The following UHRF2 variants were observed in gnomAD, a reference collection of about 807,000 sequenced individuals.
UHRF2 encodes the protein ubiquitin like with PHD and ring finger domains 2, also known as E3 ubiquitin-protein ligase UHRF2.
Under a neutral mutation model 96.8 loss-of-function variants are expected in UHRF2, and 23 were observed. The ratio of observed to expected loss-of-function variants is 0.24; its 90% CI spans 0.17 to 0.34. The LOEUF is 0.34. Ranked by LOEUF, UHRF2 falls within the 10% of genes least tolerant of loss-of-function variation. The pLI is 1.00. For synonymous variants in UHRF2, 385 were observed against 332.6 expected (o/e 1.16, Z -1.72); for missense variants, 685 against 981.5 (o/e 0.70, Z 4.04).
Position 6,506,860 on chromosome 9 carries a change from A to G in UHRF2, c.*681A>G, listed in dbSNP as rs1345683288. ...AGAGGTATTCATATGCTCTAGTTGT[A>G]AATGTTCATGAAAATCCACTTCTCT... On this transcript the variant is annotated 3_prime_UTR_variant, in exon 16 of 16. Transcript: ENST00000276893. 3 of 152,634 alleles carry G rather than the reference A, an allele frequency of 2.0e-5. No homozygotes were observed. The highest frequency in any genetic ancestry group is 4.4e-5 in the Non-Finnish European group (3 of 68,032). The allele number at this position is 152,634 out of a possible 1,614,324, so 9.5% of individuals were successfully genotyped here.
At position 6,499,825 on chromosome 9, in the gene UHRF2, C is replaced by G. The variant is rs771326770; in HGVS notation, c.1909-10C>G. The G allele has an allele frequency of 6.3e-7, 1 of 1,592,946 alleles. No homozygotes were observed. Among genetic ancestry groups the G allele is most frequent in the Non-Finnish European group, 8.6e-7 (1 of 1,165,590 alleles). On this transcript the variant is annotated splice_polypyrimidine_tract_variant and intron_variant, in intron 12 of 15. Transcript: ENST00000276893. Reference sequence around the variant, plus strand: ...TCTGCATTGTACTCTCCCTCCTCCCCCCCCATCAGTATCCAGCAGGTTACC... The same window carrying G: ...TCTGCATTGTACTCTCCCTCCTCCCGCCCCATCAGTATCCAGCAGGTTACC...
rs1192137910 is a variant in UHRF2 at position 6,418,148 on chromosome 9, T to C, written c.154-2764T>C. 3.3e-5 allele frequency among the ~76,000 whole-genome samples: 5 copies of C among 152,298 alleles called. No homozygotes were observed. In the South Asian group the frequency reaches 1.0e-3, roughly 32 times the overall value. On this transcript the variant is annotated intron_variant, in intron 1 of 15. Transcript: ENST00000276893. ...TAGTAAGGTATTTTGTTTTGGGTTT[T>C]TTTGTGGGGGTGTTGGAGAATGTCA...
At chr9:6,438,665 G>A (rs748660998) in intron 3 of UHRF2, among the ~76,000 whole-genome samples, 1 of 152,154 alleles carries the variant, frequency 6.6e-6, no homozygotes, top group Non-Finnish European at 1.5e-5. Context: ...CCTGCCTCTG[G>A]AATTATTCTG....
chr9:6,480,256 C>T (rs189019358), intron 6 of UHRF2, among the ~76,000 whole-genome samples: 35 of 152,310 alleles, frequency 2.3e-4, no homozygotes, highest in African/African-American at 8.2e-4. Flanking sequence ...CACTTCTAGT[C>T]ACTCTTGTCA....
intron 4 of UHRF2, among the ~76,000 whole-genome samples, chr9:6,467,595 G>GTTTTTTTTTTTTTTTTTTTT (rs34366483): frequency 1.0e-5 from 1 of 99,170 alleles, no homozygotes; most frequent in African/African-American, 4.2e-5. Context: ...CGAGAGAATA[G>GTTTTTTTTTTTTTTTTTTTT]TTTTTTTTTT....
At chr9:6,453,406 CT>C (rs1821986942) in intron 3 of UHRF2, among the ~76,000 whole-genome samples, 1 of 152,104 alleles carries the variant, frequency 6.6e-6, no homozygotes, top group African/African-American at 2.4e-5. Flanking sequence ...GTAATTTTCA[CT>C]TTACAGCTGA....
In UHRF2 at chr9:6,433,986, A is replaced by G. The variant is rs1488099524; in HGVS notation, c.457A>G (p.Arg153Gly). The G allele has an allele frequency of 2.5e-6, 4 of 1,613,924 alleles. No homozygotes were observed. The highest frequency in any genetic ancestry group is 2.2e-5 in the South Asian group (2 of 91,086). Residue 153 changes from arginine (R) to glycine (G), a missense_variant, in exon 3 of 16, where the codon AGA becomes GGA. Arg to Gly is a moderately radical substitution (Grantham distance 125). Transcript: ENST00000276893. ...WFEAHIHSVT[R>G]ASDGQSRGKT... ...TGAAGCACACATACATAGTGTTACT[A>G]GAGCTTCTGATGGACAGTCACGTGG...
intron 12 of UHRF2, chr9:6,498,424 C>A: frequency 3.5e-6 from 1 of 282,086 alleles, no homozygotes; most frequent in Non-Finnish European, 6.5e-6. Context: ...TTGGAAATGA[C>A]TTGAAGTGTG....
intron 2 of UHRF2, chr9:6,422,612 G>T (rs1158732724): frequency 2.7e-5 from 17 of 627,154 alleles, no homozygotes; most frequent in Non-Finnish European, 5.0e-5. Context: ...CATTAACTTA[G>T]ATCTTTTCTT....
chr9:6,420,720 A>AG (rs903657683), intron 1 of UHRF2, among the ~76,000 whole-genome samples, 192 bp from the exon 2 acceptor site: 8 of 151,472 alleles, frequency 5.3e-5, no homozygotes, highest in South Asian at 2.1e-4. Context: ...AAAAAAAAAA[A>AG]AGAGAGAGAG....
chr9:6,434,007 C>A lies in UHRF2; in HGVS notation c.478C>A (p.Arg160Ser). Residue 160 changes from arginine to serine, a missense_variant, in exon 3 of 16, where the codon CGT becomes AGT. Arg to Ser is a moderately radical substitution (Grantham distance 110). Transcript: ENST00000276893. The stretch of plus-strand genomic sequence containing the variant: ...TACTAGAGCTTCTGATGGACAGTCA[C>A]GTGGCAAAACTCCACTGAAGAATGG... The part of the protein sequence containing the change: ...SVTRASDGQS[R>S]GKTPLKNGSS... 6.2e-7 allele frequency: 1 copy of A among 1,614,006 alleles called. No individual in the cohort carries two copies. Among genetic ancestry groups the A allele is most frequent in the Non-Finnish European group, 8.5e-7 (1 of 1,180,010 alleles).
chr9:6,419,141 C>G (rs948727473), intron 1 of UHRF2, among the ~76,000 whole-genome samples: 3 of 152,168 alleles, frequency 2.0e-5, no homozygotes, highest in Non-Finnish European at 4.4e-5. Flanking sequence ...TTCTGAGGTA[C>G]TGGGGGTTAG....
intron 2 of UHRF2, chr9:6,422,814 A>G (rs577814206): frequency 2.3e-5 from 9 of 396,602 alleles, no homozygotes; most frequent in African/African-American, 1.9e-4. Flanking sequence ...TTCTTTACAT[A>G]TTTAATATTT....
At chr9:6,438,945 A>T (rs1243623535) in intron 3 of UHRF2, among the ~76,000 whole-genome samples, 1 of 152,194 alleles carries the variant, frequency 6.6e-6, no homozygotes, top group Non-Finnish European at 1.5e-5. Context: ...TAGGTAGAGG[A>T]GTTTCAAACA....
At chr9:6,446,855 T>C (rs1034044262) in intron 3 of UHRF2, among the ~76,000 whole-genome samples, 3 of 150,934 alleles carry the variant, frequency 2.0e-5, no homozygotes, top group South Asian at 2.1e-4. Context: ...AAAAAATAAA[T>C]AAACAAACAA....
In UHRF2 at chr9:6,488,173, G is replaced by A. The variant is rs538156074; in HGVS notation, c.1497+1248G>A. Reference sequence around the variant, plus strand: ...CAGGAGGATTGCTTGAGCTCAGGAGGTCGAGGCTGTAGTGAGCCATGATCA... The same window carrying A: ...CAGGAGGATTGCTTGAGCTCAGGAGATCGAGGCTGTAGTGAGCCATGATCA... On this transcript the variant is annotated intron_variant, in intron 9 of 15. Coordinates refer to ENST00000276893, the MANE Select transcript of UHRF2 (RefSeq NM_152896.3). Among the ~76,000 whole-genome samples the A allele has an allele frequency of 2.7e-5, 4 of 145,552 alleles. No homozygotes were observed. The East Asian group carries it at 8.3e-4, about 30-fold the overall frequency.
chr9:6,496,944 A>C, intron 10 of UHRF2: 1 of 367,988 alleles, frequency 2.7e-6, no homozygotes, highest in East Asian at 4.0e-5. Flanking sequence ...CGTGGCACAG[A>C]TGTTATTACT....
chr9:6,488,856 A>T (rs553751710), intron 9 of UHRF2, among the ~76,000 whole-genome samples: 3 of 151,038 alleles, frequency 2.0e-5, no homozygotes, highest in Admixed American at 6.6e-5. Flanking sequence ...TCTGTCTTCC[A>T]GGCTACAGGG....
chr9:6,444,258 G>T (rs1250587380), intron 3 of UHRF2, among the ~76,000 whole-genome samples: 1 of 152,154 alleles, frequency 6.6e-6, no homozygotes, highest in South Asian at 2.1e-4. Context: ...GTTGTTATTG[G>T]TGTCTTTACC....
Sources: allele counts gnomAD v4.1 joint callset (sites outside exome capture counted in the v4.1 genomes callset), GRCh38; gene constraint gnomAD v4.1.1; transcripts MANE v1.5; gene names NCBI Gene and HGNC (gene_info 2026-07-23, HGNC 2026-07-21).